CAST: variants seen among roughly 807,000 people sequenced by gnomAD.
CAST encodes the protein MIR583 host.
A neutral mutation model predicts 119.6 loss-of-function variants in CAST; 76 were observed. That is an observed-to-expected ratio of 0.64 (90% CI 0.53 to 0.77). CAST has a LOEUF of 0.77. Ranked by LOEUF, CAST falls within the 30% of genes least tolerant of loss-of-function variation. The pLI is 0.00. For missense variants in CAST, 953 were observed against 946.5 expected, an observed-to-expected ratio of 1.01 and a Z score of -0.09; for synonymous variants, 319 against 331.6, an observed-to-expected ratio of 0.96 and a Z score of 0.41.
the CAST span, among the ~76,000 whole-genome samples, chr5:96,515,870 A>G: frequency 6.6e-6 from 1 of 151,982 alleles, no homozygotes; most frequent in Non-Finnish European, 1.5e-5. Flanking sequence ...CAAGAGTCCA[A>G]AGTCCTCATT....
At chr5:96,270,862 TTAAAA>T in the CAST span, among the ~76,000 whole-genome samples, 1 of 151,604 alleles carries the variant, frequency 6.6e-6, no homozygotes, top group Non-Finnish European at 1.5e-5. Context: ...ACCCCTGAAC[TTAAAA>T]TAAAAGATTA....
chr5:96,331,376 T>C, the CAST span, among the ~76,000 whole-genome samples: 2 of 152,356 alleles, frequency 1.3e-5, no homozygotes, highest in South Asian at 2.1e-4. Context: ...GGGAAGTATG[T>C]GGCATCCCCC....
chr5:96,629,479 G>A (rs1475969550), intron 1 of CAST, among the ~76,000 whole-genome samples: 1 of 152,190 alleles, frequency 6.6e-6, no homozygotes, highest in Non-Finnish European at 1.5e-5. Flanking sequence ...CCACAGCTGA[G>A]TCCTTCTTCC....
Position 96,696,099 on chromosome 5 carries a change from C to A in CAST, c.210+192C>A, listed in dbSNP as rs1387757285. On this transcript the variant is annotated intron_variant, in intron 3 of 31. Coordinates refer to ENST00000675179, the MANE Select transcript of CAST (RefSeq NM_001750.7). Reference sequence around the variant, plus strand: ...GTGAATGATTTAAAACCTAGTAAAACCATTTATTGTATAAATCTTCTTGGC... The same window carrying A: ...GTGAATGATTTAAAACCTAGTAAAAACATTTATTGTATAAATCTTCTTGGC... 6 of 353,774 alleles carry A rather than the reference C, an allele frequency of 1.7e-5. No individual in the cohort carries two copies. The South Asian group carries it at 3.9e-4, about 23-fold the overall frequency. 21.9% of individuals were successfully genotyped at this position (353,774 alleles called of 1,614,324 possible).
At chr5:96,274,603 G>A in the CAST span, among the ~76,000 whole-genome samples, 8 of 152,208 alleles carry the variant, frequency 5.3e-5, no homozygotes, top group African/African-American at 1.9e-4. Flanking sequence ...GCCTCAAATA[G>A]ATTTTGTGTG....
the CAST span, among the ~76,000 whole-genome samples, chr5:96,352,055 T>C: frequency 6.6e-6 from 1 of 152,198 alleles, no homozygotes; most frequent in Admixed American, 6.5e-5. Context: ...TCCCAACACT[T>C]AGAATATTAG....
intron 30 of CAST, 125 bp from the exon 31 acceptor site, chr5:96,771,519 A>C: frequency 1.6e-6 from 1 of 637,818 alleles, no homozygotes; most frequent in South Asian, 2.2e-5. Flanking sequence ...AAGAAGAGAA[A>C]CTGAAAGGAC....
chr5:96,462,061 T>C, the CAST span, among the ~76,000 whole-genome samples: 1 of 152,136 alleles, frequency 6.6e-6, no homozygotes. Flanking sequence ...GGAATCTGGA[T>C]GCCAGTTCTG....
intron 1 of CAST, among the ~76,000 whole-genome samples, chr5:96,552,943 AGG>A (rs1746163702): frequency 6.6e-6 from 1 of 152,244 alleles, no homozygotes; most frequent in Non-Finnish European, 1.5e-5. Flanking sequence ...AAAAAAGTCC[AGG>A]ACCAGACCGA....
chr5:96,200,120 A>C, the CAST span, among the ~76,000 whole-genome samples: 1 of 152,270 alleles, frequency 6.6e-6, no homozygotes, highest in East Asian at 1.9e-4. Context: ...ACCCTGCAGT[A>C]ACAGGACAAA....
the CAST span, among the ~76,000 whole-genome samples, chr5:96,133,144 C>T: frequency 1.3e-5 from 2 of 152,278 alleles, no homozygotes; most frequent in East Asian, 3.9e-4. Flanking sequence ...ACACTCAAGG[C>T]ATTTGCTGAA....
the CAST span, among the ~76,000 whole-genome samples, chr5:96,159,998 G>A: frequency 6.6e-6 from 1 of 151,606 alleles, no homozygotes; most frequent in Non-Finnish European, 1.5e-5. Flanking sequence ...AAATTAGCCG[G>A]GCATGGTGGC....
chr5:96,589,069 ACCACAACTACCCTT>A (rs1170113004), intron 1 of CAST, among the ~76,000 whole-genome samples: 4 of 152,020 alleles, frequency 2.6e-5, no homozygotes, highest in Non-Finnish European at 1.5e-5. Flanking sequence ...CAAATTTACT[ACCACAACTACCCTT>A]CCTTCCCAAA....
At position 96,617,572 on chromosome 5, in the gene CAST, A is replaced by G. The variant is rs180897765; in HGVS notation, c.61-57967A>G. Among the ~76,000 whole-genome samples the G allele has an allele frequency of 4.6e-3, 702 of 151,892 alleles. 6 individuals are homozygous for G. The highest frequency in any genetic ancestry group is 0.03 in the South Asian group (146 of 4,794). On this transcript the variant is annotated intron_variant, in intron 1 of 11. Coordinates refer to the CAST transcript ENST00000505143. Reference sequence around the variant, plus strand: ...TGGGAGGCCAAGGCGGGCGAATCACAAGGTCAGGAGATCGAGACCATCCTG... The same window carrying G: ...TGGGAGGCCAAGGCGGGCGAATCACGAGGTCAGGAGATCGAGACCATCCTG...
the CAST span, among the ~76,000 whole-genome samples, chr5:96,388,960 AC>A: frequency 6.6e-6 from 1 of 152,126 alleles, no homozygotes. Flanking sequence ...AAATGAATGA[AC>A]CTAGAGTATA....
At chr5:96,512,760 T>C in the CAST span, among the ~76,000 whole-genome samples, 2 of 152,220 alleles carry the variant, frequency 1.3e-5, no homozygotes, top group East Asian at 1.9e-4. Context: ...TACTAAGCCA[T>C]AACAATTAAA....
chr5:96,320,954 G>A, the CAST span, among the ~76,000 whole-genome samples: 2 of 152,230 alleles, frequency 1.3e-5, no homozygotes, highest in East Asian at 1.9e-4. Flanking sequence ...GTGAGTCGTC[G>A]CCATGATTCA....
chr5:96,519,041 A>G, the CAST span, among the ~76,000 whole-genome samples: 1,742 of 152,242 alleles, frequency 0.011, 26 homozygotes, highest in African/African-American at 0.04. Context: ...AGCCTGGGTG[A>G]CAGAGCGAAA....
At chr5:96,324,393 T>C in the CAST span, among the ~76,000 whole-genome samples, 1 of 152,256 alleles carries the variant, frequency 6.6e-6, no homozygotes, top group African/African-American at 2.4e-5. Flanking sequence ...AGAAGCCAGA[T>C]GTGACTGCTT....
Sources: allele counts gnomAD v4.1 joint callset (sites outside exome capture counted in the v4.1 genomes callset), GRCh38; gene constraint gnomAD v4.1.1; transcripts MANE v1.5; gene names NCBI Gene and HGNC (gene_info 2026-07-23, HGNC 2026-07-21).